The following LRRN4 variants were observed in gnomAD, a reference collection of about 807,000 sequenced individuals.
LRRN4 encodes leucine-rich repeat neuronal protein 4.
Under a neutral mutation model 22.3 loss-of-function variants are expected in LRRN4, and 26 were observed. The observed-to-expected ratio is 1.16, with a 90% CI of 0.85 to 1.62. LRRN4 has a LOEUF of 1.62. Among genes scored for constraint, LRRN4 ranks in the 40% most tolerant of loss-of-function variants. The pLI is 0.00. For missense variants in LRRN4, 1,070 were observed against 1,008.5 expected, an observed-to-expected ratio of 1.06 and a Z score of -0.83; for synonymous variants, 496 against 486.2, an observed-to-expected ratio of 1.02 and a Z score of -0.26.
chr20:6,050,678 A>G (rs1198997456), intron 3 of LRRN4, 101 bp downstream of exon 3: 3 of 1,123,032 alleles, frequency 2.7e-6, no homozygotes, highest in Non-Finnish European at 4.0e-6. Context: ...TTGGAAGAGT[A>G]GTGGGAGAAA....
chr20:6,050,868 C>G lies in LRRN4; in HGVS notation c.771G>C (p.Gln257His), dbSNP rs987428121. 4 of 1,614,012 alleles carry G rather than the reference C, an allele frequency of 2.5e-6. No homozygotes were observed. The highest frequency in any genetic ancestry group is 2.2e-5 in the East Asian group (1 of 44,898). ...GTGCTGGGGAGTCCTGACAGTCCAG[C>G]TGCTGCAGGTTGGGGGTCATCTTGA... ...DIFKMTPNLQ[Q>H]LDCQDSPALA... Residue 257 changes from glutamine to histidine, a missense_variant, in exon 3 of 5, where the codon CAG (glutamine) becomes CAC (histidine). Physicochemically the swap from Gln to His is conservative, Grantham distance 24 (BLOSUM62 0). Coordinates refer to ENST00000378858, the MANE Select transcript of LRRN4 (RefSeq NM_152611.5).
Position 6,052,275 on chromosome 20 carries a change from G to A in LRRN4, c.525C>T (p.Leu175=), listed in dbSNP as rs1447014177. Residue 175 remains leucine (L), a synonymous_variant, in exon 2 of 5, where the codon CTC becomes CTT. Coordinates refer to ENST00000378858, the MANE Select transcript of LRRN4 (RefSeq NM_152611.5). The part of the protein sequence containing the change: ...AFACFPALQL[L]NLSCTALGRG... ...GACCCAGCGCGGTGCAGGAGAGGTT[G>A]AGGAGCTGCAGCGCGGGGAAGCAGG... 2 of 1,546,060 alleles carry A rather than the reference G, an allele frequency of 1.3e-6. No homozygotes were observed. The highest frequency in any genetic ancestry group is 1.4e-5 in the African/African-American group (1 of 71,644).
chr20:6,041,182 C>T lies in LRRN4; in HGVS notation c.2063G>A (p.Cys688Tyr). 1 of 1,598,390 alleles carries T rather than the reference C, an allele frequency of 6.3e-7. No homozygotes were observed. Among genetic ancestry groups the T allele is most frequent in the Non-Finnish European group, 8.5e-7 (1 of 1,172,094 alleles). ...PSFALLLSGL[C>Y]AASGLLLAST... ...GGCGAGCAACAGGCCGCTGGCGGCG[C>T]ACAGCCCAGAGAGCAGGAGCGCGAA... The change falls in exon 5 of 5, where the codon TGC (cysteine) becomes TAC (tyrosine). Residue 688 changes from cysteine (C) to tyrosine (Y), a missense_variant. Cys to Tyr is a radical substitution (Grantham distance 194). Transcript: ENST00000378858. This position sits in a 1 kb window ranked among gnomAD's most constrained non-coding sequence, Gnocchi z 9.4.
intron 3 of LRRN4, among the ~76,000 whole-genome samples, chr20:6,046,261 G>C (rs1251344628): frequency 1.3e-5 from 2 of 148,788 alleles, no homozygotes; most frequent in African/African-American, 2.4e-5. Flanking sequence ...CCATGATTGT[G>C]CCACTGCACT....
rs755803768 is a variant in LRRN4 at position 6,041,913 on chromosome 20, G to A, written c.1332C>T (p.Ser444=). The A allele has an allele frequency of 4.3e-6, 7 of 1,614,166 alleles. No individual in the cohort carries two copies. Among genetic ancestry groups the A allele is most frequent in the Admixed American group, 3.3e-5 (2 of 60,030 alleles). Residue 444 remains serine, a synonymous_variant, in exon 5 of 5, where the codon AGC becomes AGT. Coordinates refer to ENST00000378858, the MANE Select transcript of LRRN4 (RefSeq NM_152611.5). The surrounding 1 kb of genome is among the most constrained non-coding windows in gnomAD (Gnocchi z 9.4). ...TNSVAGHSNS[S]VFPRAASTTR... ...TGGTGCTGGCAGCCCTGGGGAAAAC[G>A]CTGGAGTTGCTGTGACCTGCTACAG... is the stretch of plus-strand genomic sequence containing the variant.
In LRRN4 at chr20:6,040,817, G is replaced by C. The variant is rs1980900510; in HGVS notation, c.*205C>G. The C allele has an allele frequency of 4.5e-6, 3 of 672,302 alleles. No homozygotes were observed. The highest frequency in any genetic ancestry group is 7.3e-6 in the Non-Finnish European group (3 of 408,320). The allele number at this position is 672,302 out of a possible 1,614,324, so 41.6% of individuals were successfully genotyped here. ...ATCTGGCATTGACCATCAGGTTTCTGGGAACAGAGTTAAGTAGAAGGAAGG... is the reference window on the plus strand; with the variant it reads ...ATCTGGCATTGACCATCAGGTTTCTCGGAACAGAGTTAAGTAGAAGGAAGG... On this transcript the variant is annotated 3_prime_UTR_variant, in exon 5 of 5. Coordinates refer to ENST00000378858, the MANE Select transcript of LRRN4 (RefSeq NM_152611.5).
Position 6,052,768 on chromosome 20 carries a change from G to T in LRRN4, c.32C>A (p.Thr11Lys), listed in dbSNP as rs748884771. 6 of 1,575,136 alleles carry T rather than the reference G, an allele frequency of 3.8e-6. No homozygotes were observed. The South Asian group carries it at 4.6e-5, about 12-fold the overall frequency. ...GTCTGCCCAGCTGGGGCGCAGCACC[G>T]TCAGCAGCAGCAGCGGTAGGGTTTG... MRQTLPLLLL[T>K]VLRPSWADPP... The change falls in exon 2 of 5, where the codon ACG becomes AAG. Residue 11 changes from threonine to lysine, a missense_variant. Thr to Lys is a moderately conservative substitution (Grantham distance 78). Coordinates refer to ENST00000378858, the MANE Select transcript of LRRN4 (RefSeq NM_152611.5).
intron 4 of LRRN4, among the ~76,000 whole-genome samples, chr20:6,043,847 G>A (rs1301596638): frequency 6.6e-6 from 1 of 152,018 alleles, no homozygotes; most frequent in Non-Finnish European, 1.5e-5. Context: ...GGTTGAGGCT[G>A]TAATGAGATA....
Position 6,051,200 on chromosome 20 carries a change from G to A in LRRN4, c.656-217C>T, listed in dbSNP as rs565355102. On this transcript the variant is annotated intron_variant, in intron 2 of 4. Transcript: ENST00000378858. ...CCTTCCTTTCTTCCAATCTGAGTCGGCCAAGGCCAGAGAGGGGATTGATTG... is the reference window on the plus strand; with the variant it reads ...CCTTCCTTTCTTCCAATCTGAGTCGACCAAGGCCAGAGAGGGGATTGATTG... Among the ~76,000 whole-genome samples, 23 of 152,326 alleles carry A rather than the reference G, an allele frequency of 1.5e-4. No individual in the cohort carries two copies. The South Asian group carries it at 4.3e-3, about 29-fold the overall frequency.
intron 3 of LRRN4, 114 bp downstream of exon 3, chr20:6,050,665 G>T: frequency 9.5e-7 from 1 of 1,052,100 alleles, no homozygotes; most frequent in Non-Finnish European, 1.5e-6. Context: ...CCCCAGAGAG[G>T]ATTTGGAAGA....
chr20:6,044,749 G>T, intron 3 of LRRN4, 69 bp from the exon 4 acceptor site: 1 of 1,372,106 alleles, frequency 7.3e-7, no homozygotes, highest in South Asian at 1.9e-5. Flanking sequence ...TCCCAGAGAG[G>T]CATGGTGTCA....
Position 6,050,896 on chromosome 20 carries a change from A to G in LRRN4, c.743T>C (p.Ile248Thr). Residue 248 changes from isoleucine to threonine, a missense_variant, in exon 3 of 5, where the codon ATT becomes ACT. Physicochemically the swap from Ile to Thr is moderately conservative, Grantham distance 89. Coordinates refer to ENST00000378858, the MANE Select transcript of LRRN4 (RefSeq NM_152611.5). ...MPRLTTLEGD[I>T]FKMTPNLQQL... ...CTGCAGGTTGGGGGTCATCTTGAAA[A>G]TGTCCCCCTCCAGGGTCGTCAGCCG... is the stretch of plus-strand genomic sequence containing the variant. The G allele has an allele frequency of 6.2e-7, 1 of 1,614,098 alleles. No individual in the cohort carries two copies. The highest frequency in any genetic ancestry group is 8.5e-7 in the Non-Finnish European group (1 of 1,180,018).
At chr20:6,048,578 G>A (rs976217820) in intron 3 of LRRN4, among the ~76,000 whole-genome samples, 14 of 152,154 alleles carry the variant, frequency 9.2e-5, no homozygotes, top group Admixed American at 6.5e-4. Context: ...TTTCATCTGC[G>A]AAATGGGAAT....
At chr20:6,048,867 A>G (rs1981174281) in intron 3 of LRRN4, among the ~76,000 whole-genome samples, 2 of 152,218 alleles carry the variant, frequency 1.3e-5, no homozygotes, top group South Asian at 4.1e-4. Flanking sequence ...AGTAGTGCAT[A>G]GGGTGACAAA....
rs1326558755 is a variant in LRRN4, at chr20:6,052,301, C to G, written c.499G>C (p.Ala167Pro). ...AGGAGCTGCAGCGCGGGGAAGCAGGCGAAGGCCCGGGGCTGCAGCGCCCGC... is the reference window on the plus strand; with the variant it reads ...AGGAGCTGCAGCGCGGGGAAGCAGGGGAAGGCCCGGGGCTGCAGCGCCCGC... ...PLRALQPRAF[A>P]CFPALQLLNL... Residue 167 changes from alanine to proline, a missense_variant, in exon 2 of 5, where the codon GCC (alanine) becomes CCC (proline). By Grantham distance (27) the Ala-to-Pro change is conservative. Transcript: ENST00000378858. 1 of 1,532,938 alleles carries G rather than the reference C, an allele frequency of 6.5e-7. No homozygotes were observed. The highest frequency in any genetic ancestry group is 1.2e-5 in the South Asian group (1 of 83,034). 95.0% of individuals were successfully genotyped at this position (1,532,938 alleles called of 1,614,324 possible).
intron 3 of LRRN4, among the ~76,000 whole-genome samples, chr20:6,050,528 CT>C (rs1306308371): frequency 6.6e-6 from 1 of 152,190 alleles, no homozygotes; most frequent in East Asian, 1.9e-4. Flanking sequence ...TTAAAATAAA[CT>C]TTAAAGGCAT....
chr20:6,052,007 TG>T, intron 2 of LRRN4, 137 bp downstream of exon 2: 1 of 1,039,912 alleles, frequency 9.6e-7, no homozygotes, highest in Non-Finnish European at 1.3e-6. Flanking sequence ...AAAATGTAGC[TG>T]GTGTCTTTTT....
intron 2 of LRRN4, 117 bp from the exon 3 acceptor site, chr20:6,051,100 C>T (rs955178548): frequency 3.3e-5 from 28 of 846,648 alleles, no homozygotes; most frequent in Non-Finnish European, 4.1e-5. Flanking sequence ...TCGCTGAGCA[C>T]GGGCACAGTT....
chr20:6,049,884 A>G (rs1447495225), intron 3 of LRRN4, among the ~76,000 whole-genome samples: 5 of 152,130 alleles, frequency 3.3e-5, no homozygotes, highest in Admixed American at 6.5e-5. Flanking sequence ...CACCATCACC[A>G]TCACTGACAT....
Sources: allele counts gnomAD v4.1 joint callset (sites outside exome capture counted in the v4.1 genomes callset), GRCh38; gene constraint gnomAD v4.1.1; non-coding constraint Gnocchi (gnomAD v3.1); transcripts MANE v1.5; gene names NCBI Gene and HGNC (gene_info 2026-07-23, HGNC 2026-07-21).